The following MRAS variants were observed in gnomAD, a reference collection of about 807,000 sequenced individuals.
MRAS encodes muscle RAS oncogene homolog.
In MRAS, 4 loss-of-function variants were observed where a neutral mutation model predicts 20.9. The observed-to-expected ratio is 0.19, with a 90% CI of 0.09 to 0.44. MRAS has a LOEUF of 0.44. MRAS is among the 20% of genes least tolerant of loss of function. The pLI is 0.99. For synonymous variants in MRAS, 98 were observed against 102.9 expected, an observed-to-expected ratio of 0.95 and a Z score of 0.29; for missense variants, 154 against 277.5, an observed-to-expected ratio of 0.56 and a Z score of 3.16.
chr3:138,400,030 A>T (rs979598514), intron 4 of MRAS, among the ~76,000 whole-genome samples: 26 of 152,340 alleles, frequency 1.7e-4, no homozygotes, highest in Non-Finnish European at 3.7e-4. Flanking sequence ...GATACAGATC[A>T]AACAAGAGCT....
rs369936776 is a variant in MRAS at position 138,355,963 on chromosome 3, T to C, written c.-19+7196T>C. 2.1e-4 allele frequency among the ~76,000 whole-genome samples: 32 copies of C among 152,226 alleles called. No homozygotes were observed. The East Asian group carries it at 5.8e-3, about 28-fold the overall frequency. ...AATAAAAAATAGCACCACCAGATCCTTTTCCCTCATTCTGATGGAGATGCT... is the reference window on the plus strand; with the variant it reads ...AATAAAAAATAGCACCACCAGATCCCTTTCCCTCATTCTGATGGAGATGCT... On this transcript the variant is annotated intron_variant, in intron 1 of 5. Coordinates refer to ENST00000423968, the MANE Select transcript of MRAS (RefSeq NM_001085049.3).
chr3:138,392,277 A>T (rs1223197767), intron 2 of MRAS, among the ~76,000 whole-genome samples: 1 of 152,184 alleles, frequency 6.6e-6, no homozygotes, highest in African/African-American at 2.4e-5. Context: ...GCAAGATTGT[A>T]GCTCATTGGA....
chr3:138,372,865 G>C lies in MRAS; in HGVS notation c.-18-1G>C. ...TCATTCCACATGTCTTGCTGCCGCA[G>C]GTCTGACCTACGAGAAACATGGCAA... On this transcript the variant is annotated splice_acceptor_variant, in intron 1 of 5. Coordinates refer to ENST00000423968, the MANE Select transcript of MRAS (RefSeq NM_001085049.3). LOFTEE classifies it low-confidence loss of function (5UTR_SPLICE). The C allele has an allele frequency of 6.6e-7, 1 of 1,517,886 alleles. No individual in the cohort carries two copies. The highest frequency in any genetic ancestry group is 1.3e-5 in the South Asian group (1 of 75,370). 94.0% of individuals were successfully genotyped at this position (1,517,886 alleles called of 1,614,324 possible).
At chr3:138,388,689 A>C (rs904513556) in intron 2 of MRAS, among the ~76,000 whole-genome samples, 6 of 152,052 alleles carry the variant, frequency 3.9e-5, no homozygotes, top group Non-Finnish European at 8.8e-5. Context: ...ACGGAGTGAG[A>C]CTCTGTCTCA....
At chr3:138,398,974 GGTGT>G (rs2055301340) in intron 4 of MRAS, among the ~76,000 whole-genome samples, 1 of 152,222 alleles carries the variant, frequency 6.6e-6, no homozygotes, top group Admixed American at 6.5e-5. Context: ...CTCCCCTCTG[GGTGT>G]GTGCAGGGAT....
At position 138,360,843 on chromosome 3, in the gene MRAS, G is replaced by A. The variant is rs188385835; in HGVS notation, c.-18-12023G>A. Among the ~76,000 whole-genome samples the A allele has an allele frequency of 5.3e-5, 8 of 152,318 alleles. No homozygotes were observed. In the East Asian group the frequency reaches 1.5e-3, roughly 29 times the overall value. On this transcript the variant is annotated intron_variant, in intron 1 of 5. Coordinates refer to ENST00000423968, the MANE Select transcript of MRAS (RefSeq NM_001085049.3). ...CCAGAGAAAAAGAAGACAAGGCCTG[G>A]CCCTTTGTCCACTGTCCCACTAGCA...
At chr3:138,393,447 T>A (rs903232612) in intron 2 of MRAS, among the ~76,000 whole-genome samples, 3 of 152,244 alleles carry the variant, frequency 2.0e-5, no homozygotes, top group African/African-American at 7.2e-5. Context: ...GATGGTTTTA[T>A]TTTTTACTTT....
chr3:138,391,735 C>T (rs2055136019), intron 2 of MRAS, among the ~76,000 whole-genome samples: 1 of 152,192 alleles, frequency 6.6e-6, no homozygotes, highest in Non-Finnish European at 1.5e-5. Context: ...TGGCCCCAAG[C>T]ATTTCAGATA....
At chr3:138,386,047 GTTGA>G (rs2055006299) in intron 2 of MRAS, among the ~76,000 whole-genome samples, 2 of 152,084 alleles carry the variant, frequency 1.3e-5, no homozygotes, top group Non-Finnish European at 2.9e-5. Context: ...AGGGAGGTGG[GTTGA>G]TTTTTTTCCT....
intron 1 of MRAS, among the ~76,000 whole-genome samples, chr3:138,368,071 C>G (rs2054599118): frequency 6.6e-6 from 1 of 152,252 alleles, no homozygotes; most frequent in Admixed American, 6.5e-5. Context: ...TCAGCCGCCC[C>G]CACGGCCAAG....
At chr3:138,349,240 C>T (rs571916262) in intron 1 of MRAS, 1 of 152,340 alleles carries the variant, frequency 6.6e-6, no homozygotes, top group African/African-American at 2.4e-5. Flanking sequence ...CTTCACTGCC[C>T]CCGGAGGTTT....
intron 2 of MRAS, among the ~76,000 whole-genome samples, chr3:138,379,144 T>C (rs2054846990): frequency 6.6e-6 from 1 of 152,162 alleles, no homozygotes; most frequent in Non-Finnish European, 1.5e-5. Flanking sequence ...TTTGTATTTC[T>C]GTACCCATTA....
intron 2 of MRAS, among the ~76,000 whole-genome samples, chr3:138,386,722 A>G (rs2108543202): frequency 6.6e-6 from 1 of 152,268 alleles, no homozygotes; most frequent in African/African-American, 2.4e-5. Flanking sequence ...ACTTCAGGTG[A>G]TCTGCCCGCC....
At chr3:138,365,808 A>T (rs973861652) in intron 1 of MRAS, among the ~76,000 whole-genome samples, 2 of 152,124 alleles carry the variant, frequency 1.3e-5, no homozygotes. Flanking sequence ...AAGGAAGGGG[A>T]CCATGATCCA....
At chr3:138,381,189 A>G (rs1279841404) in intron 2 of MRAS, among the ~76,000 whole-genome samples, 1 of 152,222 alleles carries the variant, frequency 6.6e-6, no homozygotes, top group African/African-American at 2.4e-5. Context: ...GTTATGAATA[A>G]CGCTGCTATG....
Position 138,403,230 on chromosome 3 carries a change from T to A in MRAS, c.*961T>A, listed in dbSNP as rs2055395554. The A allele has an allele frequency of 6.6e-6, 1 of 152,228 alleles. No homozygotes were observed. Among genetic ancestry groups the A allele is most frequent in the South Asian group, 2.1e-4 (1 of 4,836 alleles). The allele number at this position is 152,228 out of a possible 1,614,324, so 9.4% of individuals were successfully genotyped here. A position where few individuals can be genotyped will look rare whatever the true frequency, so the allele number is the denominator to read the frequency against. ...GGAGGCTCTGGGTTTCTCAGATCTG[T>A]CTCTTGCTGCGTTTTCACATCAGCT... On this transcript the variant is annotated 3_prime_UTR_variant, in exon 6 of 6. Coordinates refer to ENST00000423968, the MANE Select transcript of MRAS (RefSeq NM_001085049.3).
intron 1 of MRAS, chr3:138,349,836 C>T (rs1259319452): frequency 6.6e-6 from 1 of 152,188 alleles, no homozygotes; most frequent in Non-Finnish European, 1.5e-5. Context: ...ACAGGGCTTC[C>T]AAAGACCAGG....
At chr3:138,395,209 T>C (rs2055210010) in intron 2 of MRAS, among the ~76,000 whole-genome samples, 1 of 151,860 alleles carries the variant, frequency 6.6e-6, no homozygotes, top group African/African-American at 2.4e-5. Context: ...CCTGGCTAAT[T>C]TTTGTATTTT....
chr3:138,394,005 GA>G (rs1298903591), intron 2 of MRAS, among the ~76,000 whole-genome samples: 1 of 151,868 alleles, frequency 6.6e-6, no homozygotes, highest in Non-Finnish European at 1.5e-5. Flanking sequence ...TCTGCTTTTC[GA>G]TTCAGGCCTT....
Sources: allele counts gnomAD v4.1 joint callset (sites outside exome capture counted in the v4.1 genomes callset), GRCh38; gene constraint gnomAD v4.1.1; transcripts MANE v1.5; gene names NCBI Gene and HGNC (gene_info 2026-07-23, HGNC 2026-07-21).